The following CFAP97D2 variants were observed in gnomAD, a reference collection of about 807,000 sequenced individuals.
The protein encoded by CFAP97D2 is CFAP97 domain containing 2.
intron 1 of CFAP97D2, among the ~76,000 whole-genome samples, chr13:114,188,803 A>T (rs1402789158): frequency 6.6e-6 from 1 of 150,896 alleles, no homozygotes; most frequent in Non-Finnish European, 1.5e-5. Flanking sequence ...AAACTCAAAA[A>T]AAGAAAAACA....
In CFAP97D2 at chr13:114,189,033, T is replaced by C. The variant is rs903696624; in HGVS notation, c.91-7363T>C. Among the ~76,000 whole-genome samples the C allele has an allele frequency of 1.3e-5, 2 of 148,904 alleles. No homozygotes were observed. The highest frequency in any genetic ancestry group is 3.0e-5 in the Non-Finnish European group (2 of 67,408). On this transcript the variant is annotated intron_variant, in intron 1 of 4. Coordinates refer to ENST00000646158, the Ensembl canonical transcript of CFAP97D2. The surrounding 1 kb of genome is among the most constrained non-coding windows in gnomAD (Gnocchi z 4.5). Reference sequence around the variant, plus strand: ...TATTTTGCTATTATTAGTAATATTATTACTTATATTACTAGTATATATGTA... The same window carrying C: ...TATTTTGCTATTATTAGTAATATTACTACTTATATTACTAGTATATATGTA...
At chr13:114,213,719 A>T (rs1282735870) in intron 4 of CFAP97D2, among the ~76,000 whole-genome samples, 2 of 129,732 alleles carry the variant, frequency 1.5e-5, no homozygotes, top group Non-Finnish European at 3.2e-5. Flanking sequence ...CATGAACCCT[A>T]CCCCTATGGA....
At chr13:114,222,797 C>T (rs1304088630), downstream of CFAP97D2, 5 of 361,106 alleles carry the variant, frequency 1.4e-5, no homozygotes, top group East Asian at 2.0e-4. This position sits in a 1 kb window ranked among gnomAD's most constrained non-coding sequence, Gnocchi z 4.4. Context: ...GCTCCTCAAA[C>T]GGTGTTTCAA....
chr13:114,191,661 C>T (rs1441798012), intron 1 of CFAP97D2, among the ~76,000 whole-genome samples: 1 of 152,196 alleles, frequency 6.6e-6, no homozygotes, highest in East Asian at 1.9e-4. Flanking sequence ...AATCATACAG[C>T]TGCTTTGGAA....
At chr13:114,216,700 T>C (rs944765844) in intron 4 of CFAP97D2, among the ~76,000 whole-genome samples, 1 of 152,214 alleles carries the variant, frequency 6.6e-6, no homozygotes, top group Non-Finnish European at 1.5e-5. Flanking sequence ...TTGATGGACA[T>C]TTGGGTTGGT....
rs189149101 is a variant in CFAP97D2 at position 114,184,800 on chromosome 13, A to G, written c.90+5380A>G. Among the ~76,000 whole-genome samples the G allele has an allele frequency of 1.4e-4, 21 of 152,380 alleles. 1 individual carries two copies. In the South Asian group the frequency reaches 2.3e-3, roughly 17 times the overall value. ...CATAAAGAAAGGAAACCATCAGAGC[A>G]GGAATAAGCAACAGTAAAATAAAAA... On this transcript the variant is annotated intron_variant, in intron 1 of 4. Coordinates refer to ENST00000646158, the Ensembl canonical transcript of CFAP97D2.
At chr13:114,201,492 T>C (rs1287988744) in intron 3 of CFAP97D2, among the ~76,000 whole-genome samples, 2 of 152,180 alleles carry the variant, frequency 1.3e-5, no homozygotes, top group Non-Finnish European at 2.9e-5. Context: ...CCCTGCATGG[T>C]CCTGTGTGCT....
chr13:114,182,453 T>C (rs1295271515), intron 1 of CFAP97D2, among the ~76,000 whole-genome samples: 1 of 151,004 alleles, frequency 6.6e-6, no homozygotes, highest in Non-Finnish European at 1.5e-5. Flanking sequence ...CAAGAGGCCT[T>C]CCTCTTTTAC....
rs914792960 is a variant in CFAP97D2 at position 114,207,069 on chromosome 13, G to A, written c.291-4843G>A. Among the ~76,000 whole-genome samples, 17 of 152,208 alleles carry A rather than the reference G, an allele frequency of 1.1e-4. No homozygotes were observed. Among genetic ancestry groups the A allele is most frequent in the African/African-American group, 4.1e-4 (17 of 41,448 alleles). Reference sequence around the variant, plus strand: ...GAAAGAAGCTGTGGCCCTGGCACAGGCTGCCAAGCATCACCACCGCATGGC... The same window carrying A: ...GAAAGAAGCTGTGGCCCTGGCACAGACTGCCAAGCATCACCACCGCATGGC... On this transcript the variant is annotated intron_variant, in intron 3 of 4. Transcript: ENST00000646158. The surrounding 1 kb of genome is among the most constrained non-coding windows in gnomAD (Gnocchi z 4.9).
In CFAP97D2 at chr13:114,189,007, A is replaced by C. The variant is rs1042321692; in HGVS notation, c.91-7389A>C. ...AAAAGAAGGAGGAGGCAAATTACTA[A>C]TATTTTGCTATTATTAGTAATATTA... On this transcript the variant is annotated intron_variant, in intron 1 of 4. Transcript: ENST00000646158. The surrounding 1 kb of genome is among the most constrained non-coding windows in gnomAD (Gnocchi z 4.5). Among the ~76,000 whole-genome samples the C allele has an allele frequency of 1.1e-4, 16 of 149,416 alleles. No homozygotes were observed. Among genetic ancestry groups the C allele is most frequent in the African/African-American group, 3.7e-4 (15 of 41,010 alleles).
intron 1 of CFAP97D2, among the ~76,000 whole-genome samples, chr13:114,180,581 G>T (rs2080828628): frequency 6.6e-6 from 1 of 152,166 alleles, no homozygotes; most frequent in Non-Finnish European, 1.5e-5. Context: ...TGATGGGCAT[G>T]TTCATTACTT....
In CFAP97D2 at chr13:114,185,076, A is replaced by G. The variant is rs1594513292; in HGVS notation, c.90+5656A>G. ...CAGGAGTGGCAGTAACAGCGGTGGG[A>G]CCTCTGTGTCCCACATCCCCAAGGC... On this transcript the variant is annotated intron_variant, in intron 1 of 4. Transcript: ENST00000646158. This position sits in a 1 kb window ranked among gnomAD's most constrained non-coding sequence, Gnocchi z 5.2. Among the ~76,000 whole-genome samples, 1 of 152,008 alleles carries G rather than the reference A, an allele frequency of 6.6e-6. No individual in the cohort carries two copies. The highest frequency in any genetic ancestry group is 1.5e-5 in the Non-Finnish European group (1 of 67,976).
At position 114,203,225 on chromosome 13, in the gene CFAP97D2, A is replaced by G. The variant is rs1416579944; in HGVS notation, c.290+2782A>G. Among the ~76,000 whole-genome samples the G allele has an allele frequency of 6.6e-6, 1 of 152,248 alleles. No homozygotes were observed. The highest frequency in any genetic ancestry group is 1.5e-5 in the Non-Finnish European group (1 of 68,044). On this transcript the variant is annotated intron_variant, in intron 3 of 4. Coordinates refer to ENST00000646158, the Ensembl canonical transcript of CFAP97D2. This position sits in a 1 kb window ranked among gnomAD's most constrained non-coding sequence, Gnocchi z 4.3. ...TAATCCACAAGTTCAACAAGGTTGC[A>G]GAATACAAGATCAATACACAAAAAT... is the stretch of plus-strand genomic sequence containing the variant.
intron 1 of CFAP97D2, among the ~76,000 whole-genome samples, chr13:114,192,337 A>T (rs773899276): frequency 3.3e-5 from 5 of 152,196 alleles, no homozygotes; most frequent in Non-Finnish European, 7.3e-5. Flanking sequence ...TGCAGAGGGT[A>T]TATGGGAAAT....
Position 114,202,426 on chromosome 13 carries a change from C to A in CFAP97D2, c.290+1983C>A, listed in dbSNP as rs983661589. Among the ~76,000 whole-genome samples the A allele has an allele frequency of 2.0e-5, 3 of 152,190 alleles. No individual in the cohort carries two copies. The East Asian group carries it at 5.8e-4, about 29-fold the overall frequency. On this transcript the variant is annotated intron_variant, in intron 3 of 4. Transcript: ENST00000646158. ...CTTTTGAAAATGGTTAAAACACAGTCATTTAGAGTCTCTGCTGTATGGTCC... is the reference window on the plus strand; with the variant it reads ...CTTTTGAAAATGGTTAAAACACAGTAATTTAGAGTCTCTGCTGTATGGTCC...
At position 114,193,688 on chromosome 13, in the gene CFAP97D2, A is replaced by G. The variant is rs1045297992; in HGVS notation, c.91-2708A>G. Among the ~76,000 whole-genome samples, 4 of 152,234 alleles carry G rather than the reference A, an allele frequency of 2.6e-5. No individual in the cohort carries two copies. The East Asian group carries it at 5.8e-4, about 22-fold the overall frequency. On this transcript the variant is annotated intron_variant, in intron 1 of 4. Coordinates refer to ENST00000646158, the Ensembl canonical transcript of CFAP97D2. ...GGAGAATATATTTATATATAGCAGTATCTTAGACTGTTTGGGCTGCTATAA... is the reference window on the plus strand; with the variant it reads ...GGAGAATATATTTATATATAGCAGTGTCTTAGACTGTTTGGGCTGCTATAA...
At chr13:114,215,420 T>C (rs1046509887) in intron 4 of CFAP97D2, among the ~76,000 whole-genome samples, 1 of 152,190 alleles carries the variant, frequency 6.6e-6, no homozygotes, top group Non-Finnish European at 1.5e-5. Context: ...GTCAAATCCA[T>C]CAATAATTTC....
rs574175813 is a variant in CFAP97D2, at chr13:114,213,143, G to C, written c.480+1042G>C. On this transcript the variant is annotated intron_variant, in intron 4 of 4. Coordinates refer to ENST00000646158, the Ensembl canonical transcript of CFAP97D2. ...AGATCTTCCATCACTCGCTTTACCT[G>C]TATATATAACCGTTATATTGTGGAC... is the stretch of plus-strand genomic sequence containing the variant. Among the ~76,000 whole-genome samples the C allele has an allele frequency of 1.1e-4, 16 of 152,284 alleles. No individual in the cohort carries two copies. The Middle Eastern group carries it at 0.014, about 129-fold the overall frequency.
In CFAP97D2 at chr13:114,217,545, T is replaced by C. The variant is rs375188110; in HGVS notation, c.481-4953T>C. On this transcript the variant is annotated intron_variant, in intron 4 of 4. Coordinates refer to ENST00000646158, the Ensembl canonical transcript of CFAP97D2. Reference sequence around the variant, plus strand: ...TTTTATGAGGCCAGCATCATCCTGATACCAAAGCCTGGCAGAGACACAACA... The same window carrying C: ...TTTTATGAGGCCAGCATCATCCTGACACCAAAGCCTGGCAGAGACACAACA... 7.9e-5 allele frequency among the ~76,000 whole-genome samples: 12 copies of C among 152,320 alleles called. No homozygotes were observed. The South Asian group carries it at 2.5e-3, about 32-fold the overall frequency.
Sources: allele counts gnomAD v4.1 joint callset (sites outside exome capture counted in the v4.1 genomes callset), GRCh38; gene constraint gnomAD v4.1.1; non-coding constraint Gnocchi (gnomAD v3.1); transcripts MANE v1.5; gene names NCBI Gene and HGNC (gene_info 2026-07-23, HGNC 2026-07-21).